Variants in CFAP299 observed in about 807,000 individuals in gnomAD.
CFAP299 encodes cilia and flagella associated protein 299.
CFAP299 carries 21 observed loss-of-function variants against 27.0 expected under a neutral mutation model. That is an observed-to-expected ratio of 0.78 (90% CI 0.55 to 1.12). The LOEUF (loss-of-function observed/expected upper bound fraction) is 1.12, where lower values mean the gene tolerates loss of function less well. Among genes scored for constraint, CFAP299 ranks in the 50% most tolerant of loss-of-function variants. The pLI, the probability that CFAP299 is intolerant of heterozygous loss-of-function variation, is 0.00. For missense variants in CFAP299, 310 were observed against 276.6 expected (o/e 1.12, Z -0.86); for synonymous variants, 104 against 98.1 (o/e 1.06, Z -0.36).
chr4:80,591,356 C>T (rs1242003928), intron 3 of CFAP299, among the ~76,000 whole-genome samples: 2 of 151,784 alleles, frequency 1.3e-5, no homozygotes, highest in East Asian at 1.9e-4. Flanking sequence ...ATCTCCTGAC[C>T]TCGTGATCCG....
chr4:80,375,803 C>T (rs1418042195), intron 2 of CFAP299, among the ~76,000 whole-genome samples: 1 of 152,162 alleles, frequency 6.6e-6, no homozygotes, highest in African/African-American at 2.4e-5. Flanking sequence ...CCAGTTTACT[C>T]AGTGCTTTGT....
intron 3 of CFAP299, among the ~76,000 whole-genome samples, chr4:80,663,657 G>A (rs1248951439): frequency 6.6e-6 from 1 of 152,130 alleles, no homozygotes; most frequent in African/African-American, 2.4e-5. Flanking sequence ...ACCCAGTAAT[G>A]GGATTGCTGG....
chr4:80,496,568 T>A (rs1560594596), intron 2 of CFAP299, among the ~76,000 whole-genome samples: 2 of 152,228 alleles, frequency 1.3e-5, no homozygotes, highest in Non-Finnish European at 2.9e-5. Flanking sequence ...AAACTTTCCC[T>A]GATCTTCCTA....
intron 4 of CFAP299, among the ~76,000 whole-genome samples, chr4:80,927,017 A>G (rs968272517): frequency 6.6e-6 from 1 of 152,208 alleles, no homozygotes; most frequent in South Asian, 2.1e-4. Flanking sequence ...GTTCTGGCCC[A>G]GGATAAACCA....
intron 1 of CFAP299, among the ~76,000 whole-genome samples, chr4:80,357,338 G>C (rs1389074940): frequency 6.6e-6 from 1 of 152,102 alleles, no homozygotes; most frequent in Non-Finnish European, 1.5e-5. Flanking sequence ...GTATCAGAAT[G>C]ATGCTGGCCT....
chr4:80,384,813 T>C (rs1724882921), intron 2 of CFAP299, among the ~76,000 whole-genome samples: 1 of 152,202 alleles, frequency 6.6e-6, no homozygotes, highest in African/African-American at 2.4e-5. Flanking sequence ...GTTAAGTCAA[T>C]GTCCTCCTCA....
At chr4:80,752,211 C>G (rs546566467) in intron 3 of CFAP299, among the ~76,000 whole-genome samples, 9 of 152,144 alleles carry the variant, frequency 5.9e-5, no homozygotes, top group Non-Finnish European at 7.4e-5. Flanking sequence ...TCTTCCTTCT[C>G]CATGAGTCGA....
At chr4:80,388,274 G>A in intron 2 of CFAP299, 1 of 688,966 alleles carries the variant, frequency 1.5e-6, no homozygotes, top group South Asian at 1.6e-5. Context: ...GTCCAGGGAT[G>A]TGAAGCCTGA....
intron 4 of CFAP299, among the ~76,000 whole-genome samples, chr4:80,900,129 T>A (rs1734814531): frequency 6.7e-6 from 1 of 148,266 alleles, no homozygotes; most frequent in African/African-American, 2.5e-5. Flanking sequence ...AGAAAGTGTG[T>A]GTGTGTGTGT....
intron 2 of CFAP299, among the ~76,000 whole-genome samples, chr4:80,380,049 ACTAT>A (rs1724618541): frequency 6.6e-6 from 1 of 152,116 alleles, no homozygotes. Flanking sequence ...CTTTTAAAAT[ACTAT>A]CTTTTTGATT....
chr4:80,453,561 C>G (rs1728995838), intron 2 of CFAP299, among the ~76,000 whole-genome samples: 1 of 151,896 alleles, frequency 6.6e-6, no homozygotes, highest in African/African-American at 2.4e-5. Context: ...AATCGTGTGG[C>G]CTGGTATGGT....
At chr4:80,751,318 T>C (rs551304994) in intron 3 of CFAP299, among the ~76,000 whole-genome samples, 26 of 152,094 alleles carry the variant, frequency 1.7e-4, no homozygotes, top group Non-Finnish European at 3.7e-4. Context: ...GAGACCTGCT[T>C]AAAGAAGCAG....
At chr4:80,784,354 C>T (rs933409485) in intron 3 of CFAP299, among the ~76,000 whole-genome samples, 5 of 152,152 alleles carry the variant, frequency 3.3e-5, no homozygotes, top group African/African-American at 1.2e-4. Flanking sequence ...CCCTCGCCAA[C>T]ACTTGTGATC....
intron 2 of CFAP299, chr4:80,388,669 G>A (rs766679779): frequency 2.7e-5 from 30 of 1,105,298 alleles, no homozygotes; most frequent in Non-Finnish European, 4.1e-5. Flanking sequence ...CAGCTAGAAT[G>A]GTCTGGTTGT....
intron 2 of CFAP299, among the ~76,000 whole-genome samples, chr4:80,429,349 A>G (rs1013970262): frequency 2.6e-4 from 39 of 152,342 alleles, no homozygotes; most frequent in Non-Finnish European, 5.0e-4. Context: ...GAGAACAGAA[A>G]TATTTTAAAC....
chr4:80,398,190 A>T (rs1043165589), intron 2 of CFAP299, among the ~76,000 whole-genome samples: 2 of 152,198 alleles, frequency 1.3e-5, no homozygotes, highest in African/African-American at 4.8e-5. Context: ...ATAAAAGAGG[A>T]TACAAACAAA....
intron 3 of CFAP299, among the ~76,000 whole-genome samples, chr4:80,716,740 A>T (rs1263276842): frequency 1.3e-5 from 2 of 152,124 alleles, no homozygotes; most frequent in Non-Finnish European, 2.9e-5. Context: ...GTACTTCTTT[A>T]CAAACCAGTT....
At chr4:80,752,160 G>T (rs1560733538) in intron 3 of CFAP299, among the ~76,000 whole-genome samples, 1 of 151,924 alleles carries the variant, frequency 6.6e-6, no homozygotes, top group African/African-American at 2.4e-5. Flanking sequence ...TTGGCTCTGT[G>T]CCACTCCCCG....
chr4:80,909,015 G>A (rs1349543003), intron 4 of CFAP299, among the ~76,000 whole-genome samples: 1 of 152,132 alleles, frequency 6.6e-6, no homozygotes, highest in African/African-American at 2.4e-5. Flanking sequence ...CTCCAAACCT[G>A]TGGAAAGTCT....
Sources: gnomAD v4.1 joint callset for allele counts (sites outside exome capture counted in the v4.1 genomes callset) on GRCh38, gnomAD v4.1.1 for gene constraint, MANE v1.5 for transcripts, NCBI Gene and HGNC (gene_info 2026-07-23, HGNC 2026-07-21) for gene names.